The following ZNF615 variants were observed in gnomAD, a reference collection of about 807,000 sequenced individuals.
ZNF615 encodes the protein zinc finger protein 615.
A neutral mutation model predicts 15.3 loss-of-function variants in ZNF615; 15 were observed. The observed-to-expected ratio is 0.98, with a 90% CI of 0.66 to 1.51. The LOEUF is 1.51. Among genes scored for constraint, ZNF615 ranks in the 40% most tolerant of loss-of-function variants. ZNF615 has a pLI of 0.00. For missense variants in ZNF615, 848 were observed against 895.9 expected (o/e 0.95, Z 0.68); for synonymous variants, 268 against 294.6 (o/e 0.91, Z 0.92).
intron 6 of ZNF615, among the ~76,000 whole-genome samples, chr19:51,997,679 G>A (rs2086481396): frequency 6.6e-6 from 1 of 152,190 alleles, no homozygotes; most frequent in Non-Finnish European, 1.5e-5. Flanking sequence ...CCTGCTAAGG[G>A]TATCTTTTAA....
chr19:52,007,249 T>C, intron 2 of ZNF615, 44 bp downstream of exon 2: 1 of 1,198,466 alleles, frequency 8.3e-7, no homozygotes, highest in South Asian at 1.3e-5. Context: ...AATTGAAATA[T>C]TCTGAAAATT....
chr19:52,000,124 A>C (rs1435293520), intron 6 of ZNF615: 2 of 386,192 alleles, frequency 5.2e-6, no homozygotes, highest in Non-Finnish European at 4.6e-6. Context: ...ACTCAGAAAC[A>C]GAAAACCAAA....
At chr19:52,000,299 G>A (rs942867608) in intron 6 of ZNF615, 47 bp downstream of exon 6, 5 of 584,156 alleles carry the variant, frequency 8.6e-6, no homozygotes, top group African/African-American at 3.7e-5. Flanking sequence ...ACAGGATTGA[G>A]CTTCTAGTGA....
In ZNF615 at chr19:51,994,794, A is replaced by C; in HGVS notation, c.315T>G (p.Asn105Lys). ...IDDPLQHHLQ[N>K]QSIQKSVKQC... ...GTTTCACACTCTTCTGAATACTTTGATTTTGCAAGTGATGCTGCAGAGGAT... is the reference window on the plus strand; with the variant it reads ...GTTTCACACTCTTCTGAATACTTTGCTTTTGCAAGTGATGCTGCAGAGGAT... Residue 105 changes from asparagine to lysine, a missense_variant, in exon 7 of 7, where the codon AAT (asparagine) becomes AAG (lysine). Physicochemically the swap from Asn to Lys is moderately conservative, Grantham distance 94. Coordinates refer to ENST00000598071, the MANE Select transcript of ZNF615 (RefSeq NM_001199324.2). The C allele has an allele frequency of 1.2e-6, 2 of 1,601,832 alleles. No individual in the cohort carries two copies. Among genetic ancestry groups the C allele is most frequent in the Admixed American group, 3.5e-5 (2 of 57,696 alleles).
chr19:51,999,746 C>T (rs1260602971), intron 6 of ZNF615, among the ~76,000 whole-genome samples: 1 of 152,188 alleles, frequency 6.6e-6, no homozygotes, highest in Non-Finnish European at 1.5e-5. Flanking sequence ...AAGTAATTTG[C>T]AGCAGGCATA....
Position 51,994,662 on chromosome 19 carries a change from T to C in ZNF615, c.447A>G (p.Lys149=). The C allele has an allele frequency of 6.2e-7, 1 of 1,613,236 alleles. No homozygotes were observed. The highest frequency in any genetic ancestry group is 8.5e-7 in the Non-Finnish European group (1 of 1,179,950). The change falls in exon 7 of 7, where the codon AAA becomes AAG. Residue 149 remains lysine (K), a synonymous_variant. Coordinates refer to ENST00000598071, the MANE Select transcript of ZNF615 (RefSeq NM_001199324.2). ...TCTGGTTTTCAAAACTTAAATTTGA[T>C]TTTAAAGGTTTTTCATGTAAGTCAA... is the stretch of plus-strand genomic sequence containing the variant. ...DTFDLHEKPL[K]SNLSFENQKR...
chr19:52,004,917 G>A (rs1423219553), intron 2 of ZNF615: 1 of 151,926 alleles, frequency 6.6e-6, no homozygotes, highest in Non-Finnish European at 1.5e-5. Flanking sequence ...AAATAATACT[G>A]ATAATAATAT....
At chr19:51,998,425 C>T (rs933215971) in intron 6 of ZNF615, among the ~76,000 whole-genome samples, 2 of 152,152 alleles carry the variant, frequency 1.3e-5, no homozygotes, top group African/African-American at 4.8e-5. Flanking sequence ...AAGAGCTGTT[C>T]CCACCCTACA....
In ZNF615 at chr19:51,996,407, A is replaced by AAAAAAAAAC. The variant is rs755143397; in HGVS notation, c.272-1571_272-1570insGTTTTTTTT. Among the ~76,000 whole-genome samples the AAAAAAAAAC allele has an allele frequency of 4.0e-3, 552 of 138,274 alleles. 23 individuals carry two copies. The highest frequency in any genetic ancestry group is 0.011 in the South Asian group (40 of 3,710). 90.7% of individuals were successfully genotyped at this position (138,274 alleles called of 152,430 possible). On this transcript the variant is annotated intron_variant, in intron 6 of 6. Coordinates refer to ENST00000598071, the MANE Select transcript of ZNF615 (RefSeq NM_001199324.2). ...TCTCAAAAAAAAAAAAAAAAAAAAA[A>AAAAAAAAAC]ACGCAAAACTATATGGCTTCAGCCA...
At chr19:52,005,190 C>T (rs924872596) in intron 2 of ZNF615, among the ~76,000 whole-genome samples, 2 of 152,074 alleles carry the variant, frequency 1.3e-5, no homozygotes, top group South Asian at 2.1e-4. Flanking sequence ...ACCCAGGAAG[C>T]GGAGGGTGCA....
intron 5 of ZNF615, 59 bp from the exon 6 acceptor site, chr19:52,000,437 G>C: frequency 1.7e-6 from 1 of 584,666 alleles, no homozygotes; most frequent in South Asian, 2.3e-5. Context: ...TATAAGGATA[G>C]CCAAAAGCAT....
At position 51,995,963 on chromosome 19, in the gene ZNF615, T is replaced by C. The variant is rs1159640166; in HGVS notation, c.272-1126A>G. 2.6e-5 allele frequency among the ~76,000 whole-genome samples: 4 copies of C among 152,114 alleles called. No homozygotes were observed. The East Asian group carries it at 5.8e-4, about 22-fold the overall frequency. ...ATTGCATTTTGTGAAATGTGGTTAA[T>C]GGAACAATGGAGATATAAGAGGTGG... is the stretch of plus-strand genomic sequence containing the variant. On this transcript the variant is annotated intron_variant, in intron 6 of 6. Coordinates refer to ENST00000598071, the MANE Select transcript of ZNF615 (RefSeq NM_001199324.2).
chr19:52,002,679 T>G (rs930820404), intron 3 of ZNF615, among the ~76,000 whole-genome samples: 7 of 152,232 alleles, frequency 4.6e-5, no homozygotes, highest in Admixed American at 4.6e-4. Flanking sequence ...TGGCAGATGC[T>G]AGTATCACAA....
chr19:51,995,989 A>C (rs562248323), intron 6 of ZNF615, among the ~76,000 whole-genome samples: 11 of 152,324 alleles, frequency 7.2e-5, no homozygotes, highest in Non-Finnish European at 1.0e-4. Context: ...TAAGAGGTGG[A>C]GAAAATCAAG....
Position 51,992,858 on chromosome 19 carries a change from G to C in ZNF615, c.*22C>G. On this transcript the variant is annotated 3_prime_UTR_variant, in exon 7 of 7. Transcript: ENST00000598071. ...CAGATATCTTAAGGGCCTACATCTG[G>C]CAAGAGGCTTTCCCAAAATGACTAC... 2 of 1,610,904 alleles carry C rather than the reference G, an allele frequency of 1.2e-6. No individual in the cohort carries two copies. Among genetic ancestry groups the C allele is most frequent in the Non-Finnish European group, 1.7e-6 (2 of 1,177,590 alleles).
rs1274183330 is a variant in ZNF615 at position 51,992,836 on chromosome 19, A to G, written c.*44T>C. ...TTCATGAAATTACTCTTCTTTGCAG[A>G]TATCTTAAGGGCCTACATCTGGCAA... On this transcript the variant is annotated 3_prime_UTR_variant, in exon 7 of 7. Coordinates refer to ENST00000598071, the MANE Select transcript of ZNF615 (RefSeq NM_001199324.2). 1.3e-6 allele frequency: 2 copies of G among 1,587,154 alleles called. No individual in the cohort carries two copies. Among genetic ancestry groups the G allele is most frequent in the South Asian group, 1.1e-5 (1 of 88,076 alleles).
At position 51,994,794 on chromosome 19, in the gene ZNF615, A is replaced by T; in HGVS notation, c.315T>A (p.Asn105Lys). The change falls in exon 7 of 7, where the codon AAT becomes AAA. Residue 105 changes from asparagine to lysine, a missense_variant. Transcript: ENST00000598071. ...GTTTCACACTCTTCTGAATACTTTGATTTTGCAAGTGATGCTGCAGAGGAT... is the reference window on the plus strand; with the variant it reads ...GTTTCACACTCTTCTGAATACTTTGTTTTTGCAAGTGATGCTGCAGAGGAT... ...IDDPLQHHLQ[N>K]QSIQKSVKQC... 6.2e-7 allele frequency: 1 copy of T among 1,601,832 alleles called. No homozygotes were observed. Among genetic ancestry groups the T allele is most frequent in the Non-Finnish European group, 8.5e-7 (1 of 1,175,196 alleles).
Position 51,991,382 on chromosome 19 carries a change from G to A in ZNF615, c.*1498C>T, listed in dbSNP as rs932739349. ...TTTATTTGTAACAGTAAGAAAAACC[G>A]GGAACAAAACTAATGTCCTTCAGTG... is the stretch of plus-strand genomic sequence containing the variant. On this transcript the variant is annotated 3_prime_UTR_variant, in exon 7 of 7. Coordinates refer to ENST00000598071, the MANE Select transcript of ZNF615 (RefSeq NM_001199324.2). The A allele has an allele frequency of 5.9e-5, 9 of 152,230 alleles. No homozygotes were observed. Among genetic ancestry groups the A allele is most frequent in the South Asian group, 2.1e-4 (1 of 4,824 alleles). The allele number at this position is 152,230 out of a possible 1,614,324, so 9.4% of individuals were successfully genotyped here.
intron 6 of ZNF615, among the ~76,000 whole-genome samples, chr19:51,997,999 T>C (rs2086489992): frequency 6.6e-6 from 1 of 152,266 alleles, no homozygotes; most frequent in Non-Finnish European, 1.5e-5. Context: ...TTTGTATTAT[T>C]TCACTGTCAC....
Sources: allele counts gnomAD v4.1 joint callset (sites outside exome capture counted in the v4.1 genomes callset), GRCh38; gene constraint gnomAD v4.1.1; transcripts MANE v1.5; gene names NCBI Gene and HGNC (gene_info 2026-07-23, HGNC 2026-07-21).